TMEM245: variants seen among roughly 807,000 people sequenced by gnomAD.
TMEM245 encodes transmembrane protein 245.
TMEM245 carries 69 observed loss-of-function variants against 101.2 expected under a neutral mutation model. The ratio of observed to expected loss-of-function variants is 0.68; its 90% CI spans 0.56 to 0.83. The LOEUF (loss-of-function observed/expected upper bound fraction) is 0.83. TMEM245 is among the 40% of genes least tolerant of loss of function. TMEM245 has a pLI of 0.00. For missense variants in TMEM245, 1,075 were observed against 1,092.8 expected (o/e 0.98, Z 0.23); for synonymous variants, 537 against 449.8 (o/e 1.19, Z -2.45).
intron 9 of TMEM245, among the ~76,000 whole-genome samples, chr9:109,070,958 T>C (rs1053571251): frequency 6.6e-6 from 1 of 152,204 alleles, no homozygotes; most frequent in Non-Finnish European, 1.5e-5. Context: ...CTTGGCTCAC[T>C]GCAACCTCCG....
intron 8 of TMEM245, 128 bp downstream of exon 8, chr9:109,080,711 C>G (rs1456232910): frequency 1.4e-5 from 8 of 575,342 alleles, no homozygotes; most frequent in Non-Finnish European, 2.1e-5. Context: ...ATCATAAATC[C>G]TTTAGCTATT....
chr9:109,024,439 G>A (rs1827735796), intron 17 of TMEM245, among the ~76,000 whole-genome samples: 1 of 152,174 alleles, frequency 6.6e-6, no homozygotes, highest in African/African-American at 2.4e-5. Context: ...CACCATGTTA[G>A]GAGTGGTAAA....
chr9:109,052,840 C>A, intron 12 of TMEM245, among the ~76,000 whole-genome samples: 1 of 151,886 alleles, frequency 6.6e-6, no homozygotes, highest in Non-Finnish European at 1.5e-5. Context: ...TTCTGGGTTG[C>A]ACTGAGAGAA....
Position 109,093,582 on chromosome 9 carries a change from A to C in TMEM245, c.809T>G (p.Leu270Ter). The stretch of plus-strand genomic sequence containing the variant: ...TGCCATGGAGATAACCTGCCCTGGT[A>C]ACTCTGCCCCTGTAAAAGAAGCATC... The part of the protein sequence containing the change: ...QNGKESSGAE[L>*]PGQVISMAAS... The change falls in exon 4 of 18, where the codon TTA becomes TGA. Residue 270 changes from leucine to a stop codon, truncating the protein, a stop_gained. Transcript: ENST00000374586. LOFTEE classifies it high-confidence loss of function. 6.2e-7 allele frequency: 1 copy of C among 1,613,946 alleles called. No homozygotes were observed. The highest frequency in any genetic ancestry group is 8.5e-7 in the Non-Finnish European group (1 of 1,179,912).
At chr9:109,073,141 C>A in intron 9 of TMEM245, 2 of 531,900 alleles carry the variant, frequency 3.8e-6, no homozygotes, top group Non-Finnish European at 6.8e-6. Flanking sequence ...AACAAAGTAT[C>A]ATTTACCATG....
At chr9:109,106,825 G>A (rs1182784030) in intron 2 of TMEM245, among the ~76,000 whole-genome samples, 1 of 151,998 alleles carries the variant, frequency 6.6e-6, no homozygotes, top group Non-Finnish European at 1.5e-5. Context: ...CTGGTCAAAT[G>A]GATAGGGTAC....
At chr9:109,053,735 A>G (rs1375109081) in intron 12 of TMEM245, among the ~76,000 whole-genome samples, 1 of 152,252 alleles carries the variant, frequency 6.6e-6, no homozygotes, top group Non-Finnish European at 1.5e-5. Flanking sequence ...GTACTTACTA[A>G]GAGCCATCAG....
chr9:109,033,584 T>C (rs981554981), intron 16 of TMEM245, 83 bp from the exon 17 acceptor site: 1 of 1,332,728 alleles, frequency 7.5e-7, no homozygotes, highest in Admixed American at 2.6e-5. Flanking sequence ...CATTCTTTAA[T>C]ACACTATGCT....
At chr9:109,059,263 C>G (rs931098845) in intron 11 of TMEM245, among the ~76,000 whole-genome samples, 6 of 152,156 alleles carry the variant, frequency 3.9e-5, no homozygotes, top group African/African-American at 1.4e-4. Context: ...CTTCCTTCAA[C>G]TCATCCCAAA....
At chr9:109,085,652 A>G (rs1564198131) in intron 7 of TMEM245, among the ~76,000 whole-genome samples, 1 of 152,376 alleles carries the variant, frequency 6.6e-6, no homozygotes, top group African/African-American at 2.4e-5. Flanking sequence ...TTGCCCTTAC[A>G]ATAACTATTG....
At chr9:109,040,557 T>C (rs745721172) in intron 14 of TMEM245, among the ~76,000 whole-genome samples, 36 of 152,206 alleles carry the variant, frequency 2.4e-4, no homozygotes, top group Admixed American at 8.5e-4. Context: ...AATTCTGCCT[T>C]TTCTAGAATT....
At chr9:109,047,287 G>A (rs538762122) in intron 14 of TMEM245, among the ~76,000 whole-genome samples, 2 of 152,312 alleles carry the variant, frequency 1.3e-5, no homozygotes, top group South Asian at 2.1e-4. Flanking sequence ...CATAATTAGT[G>A]TATGCACTCC....
chr9:109,054,353 T>G (rs1348448121), intron 12 of TMEM245, among the ~76,000 whole-genome samples: 2 of 152,206 alleles, frequency 1.3e-5, no homozygotes, highest in African/African-American at 4.8e-5. Flanking sequence ...ATTGAGGACC[T>G]AACACCATAC....
At chr9:109,032,365 CTTTTTTTTTTTTTTTT>C (rs755399182) in intron 17 of TMEM245, among the ~76,000 whole-genome samples, 276 of 40,960 alleles carry the variant, frequency 6.7e-3, no homozygotes, top group Non-Finnish European at 9.3e-3. Context: ...ATTTCTTTTC[CTTTTTTTTTTTTTTTT>C]TTTTTTTTTT....
chr9:109,092,788 A>G (rs751281660), intron 4 of TMEM245, among the ~76,000 whole-genome samples: 1 of 152,192 alleles, frequency 6.6e-6, no homozygotes, highest in African/African-American at 2.4e-5. Context: ...AGAGTACAGC[A>G]TGACTCTACA....
chr9:109,080,681 G>T (rs142108510), intron 8 of TMEM245, among the ~76,000 whole-genome samples, 158 bp downstream of exon 8: 72 of 152,122 alleles, frequency 4.7e-4, no homozygotes, highest in African/African-American at 1.6e-3. Context: ...CAAATTCATG[G>T]CAAAATTAGT....
intron 17 of TMEM245, among the ~76,000 whole-genome samples, chr9:109,032,362 TTCC>T (rs1827973629): frequency 7.3e-6 from 1 of 137,738 alleles, no homozygotes; most frequent in African/African-American, 2.6e-5. Context: ...CCTATTTCTT[TTCC>T]TTTTTTTTTT....
At chr9:109,065,597 C>A (rs1200778496) in intron 9 of TMEM245, among the ~76,000 whole-genome samples, 1 of 152,160 alleles carries the variant, frequency 6.6e-6, no homozygotes, top group Non-Finnish European at 1.5e-5. Context: ...GAGGTGGCCT[C>A]CTCATTCTTC....
At chr9:109,071,826 C>T (rs1388912957) in intron 9 of TMEM245, among the ~76,000 whole-genome samples, 3 of 152,290 alleles carry the variant, frequency 2.0e-5, no homozygotes, top group East Asian at 3.9e-4. Context: ...CACAGCTCTG[C>T]TGAACATCCC....
Sources: gnomAD v4.1 joint callset for allele counts (sites outside exome capture counted in the v4.1 genomes callset) on GRCh38, gnomAD v4.1.1 for gene constraint, MANE v1.5 for transcripts, NCBI Gene and HGNC (gene_info 2026-07-23, HGNC 2026-07-21) for gene names.